Variants in RALGPS1 observed in about 807,000 individuals in gnomAD.
The protein encoded by RALGPS1 is Ral GEF with PH domain and SH3 binding motif 1.
Under a neutral mutation model 78.8 loss-of-function variants are expected in RALGPS1, and 19 were observed. The observed-to-expected ratio is 0.24, with a 90% CI of 0.17 to 0.35. The LOEUF is 0.35. RALGPS1 is among the 10% of genes least tolerant of loss of function. The pLI, the probability that RALGPS1 is intolerant of heterozygous loss-of-function variation, is 1.00. For missense variants in RALGPS1, 454 were observed against 688.3 expected, an observed-to-expected ratio of 0.66 and a Z score of 3.81; for synonymous variants, 228 against 256.3, an observed-to-expected ratio of 0.89 and a Z score of 1.06.
intron 8 of RALGPS1, among the ~76,000 whole-genome samples, chr9:127,127,846 C>T (rs560775725): frequency 2.8e-5 from 4 of 144,932 alleles, no homozygotes; most frequent in Non-Finnish European, 6.1e-5. Context: ...AGGAGGAACA[C>T]GATTGTCCTG....
intron 1 of RALGPS1, among the ~76,000 whole-genome samples, chr9:126,953,620 G>A (rs1261076652): frequency 6.6e-6 from 1 of 152,116 alleles, no homozygotes; most frequent in Non-Finnish European, 1.5e-5. Flanking sequence ...TGTAAAATGG[G>A]TCTTAATGTA....
intron 3 of RALGPS1, 34 bp from the exon 4 acceptor site, chr9:126,977,661 A>T: frequency 2.1e-6 from 3 of 1,427,898 alleles, no homozygotes; most frequent in Non-Finnish European, 2.0e-6. Context: ...TTTGATGTAC[A>T]GTATTTTCTA....
chr9:127,047,765 T>C (rs919236520), intron 5 of RALGPS1, among the ~76,000 whole-genome samples: 5 of 152,120 alleles, frequency 3.3e-5, no homozygotes, highest in Non-Finnish European at 4.4e-5. Flanking sequence ...TGTTGGTCTA[T>C]ATGTGAGACT....
intron 4 of RALGPS1, among the ~76,000 whole-genome samples, chr9:126,990,730 C>T (rs2042209363): frequency 6.6e-6 from 1 of 152,202 alleles, no homozygotes; most frequent in African/African-American, 2.4e-5. Flanking sequence ...TTTGCACCCT[C>T]GTACTGAAAT....
chr9:127,171,938 T>C (rs1243279919), intron 10 of RALGPS1, among the ~76,000 whole-genome samples: 4 of 152,226 alleles, frequency 2.6e-5, no homozygotes, highest in Non-Finnish European at 5.9e-5. Context: ...TTTTTGTTAG[T>C]TGTGTTATTA....
chr9:127,048,265 G>A (rs1357461058), intron 5 of RALGPS1, among the ~76,000 whole-genome samples: 3 of 151,922 alleles, frequency 2.0e-5, no homozygotes, highest in East Asian at 1.9e-4. Context: ...CTATCCAGCC[G>A]TCCCTGGTCA....
chr9:126,965,856 T>G lies in RALGPS1; in HGVS notation c.70T>G (p.Ser24Ala). The change falls in exon 3 of 19, where the codon TCG becomes GCG. Residue 24 changes from serine to alanine, a missense_variant. By Grantham distance (99) the Ser-to-Ala change is moderately conservative. Coordinates refer to ENST00000259351, the MANE Select transcript of RALGPS1 (RefSeq NM_014636.3). ...CTGCTCTCCACAGGGCAGCAGCAGC[T>G]CGGACTCTCTGGAGGGCCAGAGCTG... The part of the protein sequence containing the change: ...TSATPQGSSS[S>A]DSLEGQSCDY... The G allele has an allele frequency of 6.2e-7, 1 of 1,613,904 alleles. No individual in the cohort carries two copies. The highest frequency in any genetic ancestry group is 8.5e-7 in the Non-Finnish European group (1 of 1,179,916).
At chr9:127,007,473 G>A (rs1478028571) in intron 4 of RALGPS1, among the ~76,000 whole-genome samples, 1 of 152,166 alleles carries the variant, frequency 6.6e-6, no homozygotes, top group African/African-American at 2.4e-5. Context: ...GGTAGGGGCT[G>A]TCGGGGGAAT....
intron 1 of RALGPS1, among the ~76,000 whole-genome samples, chr9:126,927,974 A>G (rs2035455476): frequency 2.0e-5 from 3 of 152,222 alleles, no homozygotes; most frequent in African/African-American, 7.2e-5. Context: ...AGCCTGTTAC[A>G]GAATTTCTGG....
At chr9:126,939,499 G>A (rs1035246611) in intron 1 of RALGPS1, among the ~76,000 whole-genome samples, 5 of 152,304 alleles carry the variant, frequency 3.3e-5, no homozygotes, top group South Asian at 2.1e-4. Context: ...GCACTTAGAC[G>A]AGTGCTTGGC....
At chr9:127,027,891 C>T (rs2046092513) in intron 4 of RALGPS1, among the ~76,000 whole-genome samples, 1 of 152,204 alleles carries the variant, frequency 6.6e-6, no homozygotes, top group Admixed American at 6.5e-5. Context: ...CTCATAGTCT[C>T]ATCCATCAAT....
At chr9:127,088,902 T>G in intron 8 of RALGPS1, 1 of 1,613,718 alleles carries the variant, frequency 6.2e-7, no homozygotes, top group East Asian at 2.2e-5. Context: ...GGTGGGCTCC[T>G]GGCAATGGCC....
intron 1 of RALGPS1, among the ~76,000 whole-genome samples, chr9:126,917,363 A>G (rs540023374): frequency 2.0e-5 from 3 of 152,204 alleles, no homozygotes; most frequent in Non-Finnish European, 4.4e-5. Context: ...GTGTTGAATA[A>G]TGAGGGGATT....
intron 8 of RALGPS1, among the ~76,000 whole-genome samples, chr9:127,128,992 G>T (rs976143630): frequency 6.6e-6 from 1 of 152,156 alleles, no homozygotes; most frequent in African/African-American, 2.4e-5. Flanking sequence ...CTTGCCAGGG[G>T]ACCGTGAGGA....
chr9:127,073,456 GTGTGTGTGTC>G (rs1181125652), intron 8 of RALGPS1, among the ~76,000 whole-genome samples: 6 of 143,856 alleles, frequency 4.2e-5, no homozygotes, highest in African/African-American at 1.1e-4. Context: ...TTGTGTGTGT[GTGTGTGTGTC>G]TGTGTGTGTG....
chr9:127,120,942 C>T (rs2056006064), intron 8 of RALGPS1, among the ~76,000 whole-genome samples: 1 of 152,150 alleles, frequency 6.6e-6, no homozygotes, highest in Non-Finnish European at 1.5e-5. Flanking sequence ...TGCTGTGCAC[C>T]AGGCACTAAG....
chr9:127,108,886 ACT>A (rs2054527535), intron 8 of RALGPS1: 2 of 801,352 alleles, frequency 2.5e-6, no homozygotes, highest in African/African-American at 1.7e-5. Context: ...CTTTCCAAAA[ACT>A]CTGCTTCAGG....
intron 4 of RALGPS1, among the ~76,000 whole-genome samples, chr9:126,987,080 CCT>C (rs2041869753): frequency 6.6e-6 from 1 of 152,116 alleles, no homozygotes; most frequent in Non-Finnish European, 1.5e-5. Context: ...TCAGATGATG[CCT>C]GTGCCGGAGC....
At chr9:127,008,008 C>T (rs1033481001) in intron 4 of RALGPS1, among the ~76,000 whole-genome samples, 8 of 152,022 alleles carry the variant, frequency 5.3e-5, no homozygotes, top group Non-Finnish European at 8.8e-5. Flanking sequence ...CAAGGGTGAC[C>T]CACATAGATG....
Sources: allele counts gnomAD v4.1 joint callset (sites outside exome capture counted in the v4.1 genomes callset), GRCh38; gene constraint gnomAD v4.1.1; transcripts MANE v1.5; gene names NCBI Gene and HGNC (gene_info 2026-07-23, HGNC 2026-07-21).